PPP1R16A: variants seen among roughly 807,000 people sequenced by gnomAD.
The protein encoded by PPP1R16A is myosin phosphatase-targeting subunit 3.
A neutral mutation model predicts 46.6 loss-of-function variants in PPP1R16A; 39 were observed. The observed-to-expected ratio is 0.84, with a 90% confidence interval of 0.65 to 1.09. The LOEUF is 1.09. Among genes scored for constraint, PPP1R16A ranks in the 50% least tolerant of loss-of-function variants. The pLI is 0.00. For synonymous variants in PPP1R16A, 413 were observed against 321.5 expected, an observed-to-expected ratio of 1.28 and a Z score of -3.04; for missense variants, 798 against 735.6, an observed-to-expected ratio of 1.08 and a Z score of -0.98.
chr8:144,499,914 T>C (rs942949374), intron 5 of PPP1R16A, 182 bp from the exon 6 acceptor site: 5 of 613,706 alleles, frequency 8.1e-6, no homozygotes, highest in Admixed American at 5.8e-5. Context: ...CCTGTCTGGC[T>C]TAATGACAGG....
chr8:144,482,075 T>TGCCGCCGCCGCC (rs59209733), intron 1 of PPP1R16A, among the ~76,000 whole-genome samples: 3 of 151,094 alleles, frequency 2.0e-5, no homozygotes, highest in East Asian at 2.0e-4. Context: ...TGTGCCCGGC[T>TGCCGCCGCCGCC]GCCGCCGCCG....
At chr8:144,481,984 G>A (rs981405564) in intron 1 of PPP1R16A, among the ~76,000 whole-genome samples, 21 of 133,790 alleles carry the variant, frequency 1.6e-4, no homozygotes, top group African/African-American at 5.5e-4. Flanking sequence ...TCACCATGCT[G>A]GCCAGGCTGG....
chr8:144,493,828 C>T lies in PPP1R16A; in HGVS notation c.-734-2633C>T, dbSNP rs1272159455. On this transcript the variant is annotated intron_variant, in intron 2 of 11. Transcript: ENST00000435887. This position sits in a 1 kb window ranked among gnomAD's most constrained non-coding sequence, Gnocchi z 4.3. ...GTCCCATGGAGACATTGGGCAGCTTCCAGCTAGGAAGGTGGGCCTGCTAGG... is the reference window on the plus strand; with the variant it reads ...GTCCCATGGAGACATTGGGCAGCTTTCAGCTAGGAAGGTGGGCCTGCTAGG... Among the ~76,000 whole-genome samples, 1 of 152,092 alleles carries T rather than the reference C, an allele frequency of 6.6e-6. No homozygotes were observed. Among genetic ancestry groups the T allele is most frequent in the Non-Finnish European group, 1.5e-5 (1 of 67,966 alleles).
At chr8:144,478,297 G>A (rs945940001) in intron 1 of PPP1R16A, 170 bp downstream of exon 1, 25 of 382,930 alleles carry the variant, frequency 6.5e-5, no homozygotes, top group African/African-American at 5.2e-4. Context: ...CGGGAAGGGC[G>A]GGAGGAGGAG....
chr8:144,479,444 G>A (rs947653406), intron 1 of PPP1R16A, among the ~76,000 whole-genome samples: 2 of 152,160 alleles, frequency 1.3e-5, no homozygotes, highest in East Asian at 1.9e-4. Flanking sequence ...GCCATCCCTC[G>A]TGTCTCTGAT....
intron 2 of PPP1R16A, among the ~76,000 whole-genome samples, chr8:144,490,535 T>G (rs1364072509): frequency 6.7e-6 from 1 of 149,808 alleles, no homozygotes; most frequent in Non-Finnish European, 1.5e-5. Flanking sequence ...TGACCTGCTG[T>G]CTGCCCAGCC....
At chr8:144,478,207 C>G (rs1825254822) in intron 1 of PPP1R16A, 80 bp downstream of exon 1, 5 of 390,516 alleles carry the variant, frequency 1.3e-5, no homozygotes, top group Non-Finnish European at 2.3e-5. Flanking sequence ...AGTGGCGGGC[C>G]CGGGAAGGAG....
intron 1 of PPP1R16A, among the ~76,000 whole-genome samples, chr8:144,480,136 G>A (rs1044997018): frequency 1.3e-5 from 2 of 152,246 alleles, no homozygotes; most frequent in African/African-American, 4.8e-5. Flanking sequence ...TCCCACAAAG[G>A]AGCATGCTGT....
rs1564774705 is a variant in PPP1R16A at position 144,502,005 on chromosome 8, C to T, written c.*102C>T. 3.2e-6 allele frequency: 4 copies of T among 1,232,214 alleles called. No individual in the cohort carries two copies. The highest frequency in any genetic ancestry group is 2.8e-5 in the Admixed American group (1 of 35,088). 76.3% of individuals were successfully genotyped at this position (1,232,214 alleles called of 1,614,324 possible). A position where few individuals can be genotyped will look rare whatever the true frequency, so the allele number is the denominator to read the frequency against. ...TGCGGGTGCAGCACGGAAACCCCGG[C>T]TTCTACTGTACAGGACACTGGCCCC... On this transcript the variant is annotated 3_prime_UTR_variant, in exon 12 of 12. Coordinates refer to ENST00000435887, the MANE Select transcript of PPP1R16A (RefSeq NM_001329443.2).
intron 1 of PPP1R16A, among the ~76,000 whole-genome samples, chr8:144,482,065 T>C (rs1426878562): frequency 6.7e-6 from 1 of 148,788 alleles, no homozygotes; most frequent in Non-Finnish European, 1.5e-5. Context: ...TGTGAGCCAC[T>C]GTGCCCGGCT....
Position 144,500,089 on chromosome 8 carries a change from C to T in PPP1R16A, c.477-7C>T, listed in dbSNP as rs1006121527. On this transcript the variant is annotated splice_region_variant and splice_polypyrimidine_tract_variant and intron_variant, in intron 5 of 11. Transcript: ENST00000435887. The stretch of plus-strand genomic sequence containing the variant: ...TGTGCCCAGCACCCCGTCCGTCTTC[C>T]CTGCAGTGGCGCCAATCTCCTGGCG... 1.0e-5 allele frequency: 16 copies of T among 1,604,416 alleles called. No individual in the cohort carries two copies. Among genetic ancestry groups the T allele is most frequent in the African/African-American group, 8.0e-5 (6 of 74,670 alleles).
intron 1 of PPP1R16A, chr8:144,479,073 G>A (rs997626593): frequency 6.6e-6 from 1 of 152,308 alleles, no homozygotes; most frequent in Non-Finnish European, 1.5e-5. Flanking sequence ...GGGCGTCTTG[G>A]CGCCCCAGTT....
At chr8:144,483,316 C>T (rs912965898) in intron 1 of PPP1R16A, among the ~76,000 whole-genome samples, 2 of 152,226 alleles carry the variant, frequency 1.3e-5, no homozygotes, top group Admixed American at 6.5e-5. Context: ...GGCTTTCCTC[C>T]TGTTTCATGC....
In PPP1R16A at chr8:144,500,852, G is replaced by T; in HGVS notation, c.918G>T (p.Gly306=). 6.3e-7 allele frequency: 1 copy of T among 1,576,178 alleles called. No homozygotes were observed. The highest frequency in any genetic ancestry group is 1.2e-5 in the South Asian group (1 of 86,840). Residue 306 remains glycine, a synonymous_variant, in exon 10 of 12, where the codon GGG becomes GGT. Coordinates refer to ENST00000435887, the MANE Select transcript of PPP1R16A (RefSeq NM_001329443.2). ...LMDETPLDVC[G]DEEVRAKLLE... Reference sequence around the variant, plus strand: ...GCGCCCACTTCTCAGATGTGTGCGGGGACGAGGAGGTGCGGGCCAAGCTGC... The same window carrying T: ...GCGCCCACTTCTCAGATGTGTGCGGTGACGAGGAGGTGCGGGCCAAGCTGC...
chr8:144,494,949 C>T (rs1825985413), intron 2 of PPP1R16A, among the ~76,000 whole-genome samples: 3 of 152,156 alleles, frequency 2.0e-5, no homozygotes, highest in Non-Finnish European at 4.4e-5. Context: ...CTCTAGAGGG[C>T]AAGGGGAGGA....
rs1825915314 is a variant in PPP1R16A, at chr8:144,493,785, G to A, written c.-734-2676G>A. Reference sequence around the variant, plus strand: ...AGGAGGCAGTTGGACCCTCGAGCAGGACAGGAACCTGCCCAGAGTCCCATG... The same window carrying A: ...AGGAGGCAGTTGGACCCTCGAGCAGAACAGGAACCTGCCCAGAGTCCCATG... On this transcript the variant is annotated intron_variant, in intron 2 of 11. Transcript: ENST00000435887. This position sits in a 1 kb window ranked among gnomAD's most constrained non-coding sequence, Gnocchi z 4.3. Among the ~76,000 whole-genome samples, 1 of 152,158 alleles carries A rather than the reference G, an allele frequency of 6.6e-6. No homozygotes were observed. Among genetic ancestry groups the A allele is most frequent in the African/African-American group, 2.4e-5 (1 of 41,452 alleles).
intron 1 of PPP1R16A, among the ~76,000 whole-genome samples, chr8:144,480,317 G>GT (rs1265996433): frequency 2.0e-5 from 3 of 152,180 alleles, no homozygotes; most frequent in South Asian, 4.2e-4. Context: ...GTGGCTTTCT[G>GT]TTTTTTTGTT....
chr8:144,479,685 C>T (rs530055840), intron 1 of PPP1R16A, among the ~76,000 whole-genome samples: 3 of 152,282 alleles, frequency 2.0e-5, no homozygotes, highest in Admixed American at 6.5e-5. Flanking sequence ...CACAGACTAC[C>T]AGCACCCCCA....
chr8:144,500,006 T>C (rs1295795414), intron 5 of PPP1R16A, 90 bp from the exon 6 acceptor site: 6 of 1,385,734 alleles, frequency 4.3e-6, no homozygotes, highest in South Asian at 1.3e-5. Flanking sequence ...AGCCCTGGGC[T>C]GAGGGGCCCT....
Sources: allele counts gnomAD v4.1 joint callset (sites outside exome capture counted in the v4.1 genomes callset), GRCh38; gene constraint gnomAD v4.1.1; non-coding constraint Gnocchi (gnomAD v3.1); transcripts MANE v1.5; gene names NCBI Gene and HGNC (gene_info 2026-07-23, HGNC 2026-07-21).